The following MCTP1 variants were observed in gnomAD, a reference collection of about 807,000 sequenced individuals.
The protein encoded by MCTP1 is multiple C2 and transmembrane domain-containing protein 1.
A neutral mutation model predicts 120.6 loss-of-function variants in MCTP1; 69 were observed. The ratio of observed to expected loss-of-function variants is 0.57; its 90% confidence interval spans 0.47 to 0.70. MCTP1 has a LOEUF of 0.70. MCTP1 is among the 30% of genes least tolerant of loss of function. MCTP1 has a pLI of 0.00. For synonymous variants in MCTP1, 529 were observed against 493.1 expected, an observed-to-expected ratio of 1.07 and a Z score of -0.96; for missense variants, 1,203 against 1,248.8, an observed-to-expected ratio of 0.96 and a Z score of 0.55.
At chr5:95,252,225 A>G (rs1161070510) in intron 1 of MCTP1, among the ~76,000 whole-genome samples, 3 of 152,044 alleles carry the variant, frequency 2.0e-5, no homozygotes, top group Admixed American at 1.3e-4. Context: ...TGTGTTACTA[A>G]TTGGCTTTAC....
At chr5:94,990,550 A>G (rs1831338606) in intron 2 of MCTP1, among the ~76,000 whole-genome samples, 1 of 152,220 alleles carries the variant, frequency 6.6e-6, no homozygotes, top group Non-Finnish European at 1.5e-5. Context: ...GGAGGGCTCC[A>G]GTCCCTTTTA....
chr5:94,805,749 C>T lies in MCTP1; in HGVS notation c.2437-6617G>A, dbSNP rs1246794201. On this transcript the variant is annotated intron_variant, in intron 17 of 22. Coordinates refer to ENST00000515393, the MANE Select transcript of MCTP1 (RefSeq NM_024717.7). ...TGGGAGGGCAGGGACTATTACCTTCCTTTTACAAAGGAGGAAACTGAGGCT... is the reference window on the plus strand; with the variant it reads ...TGGGAGGGCAGGGACTATTACCTTCTTTTTACAAAGGAGGAAACTGAGGCT... Among the ~76,000 whole-genome samples the T allele has an allele frequency of 2.3e-4, 35 of 150,742 alleles. 1 individual carries two copies. The highest frequency in any genetic ancestry group is 5.9e-5 in the Non-Finnish European group (4 of 67,732).
At chr5:94,741,876 G>A (rs796409714) in intron 19 of MCTP1, among the ~76,000 whole-genome samples, 8 of 152,294 alleles carry the variant, frequency 5.3e-5, no homozygotes, top group African/African-American at 1.7e-4. Context: ...CTAAACCTCA[G>A]TTTCCTCAGA....
chr5:94,989,106 T>C (rs1398576391), intron 2 of MCTP1, among the ~76,000 whole-genome samples: 1 of 152,174 alleles, frequency 6.6e-6, no homozygotes, highest in African/African-American at 2.4e-5. Flanking sequence ...AAATTATTTT[T>C]AATTTGTAGA....
chr5:95,229,606 T>A (rs1754682740), intron 1 of MCTP1, among the ~76,000 whole-genome samples: 1 of 152,010 alleles, frequency 6.6e-6, no homozygotes, highest in Admixed American at 6.6e-5. Flanking sequence ...ACAGGTGTGG[T>A]GGCGGGCGCC....
At chr5:95,002,236 C>T (rs1833877498) in intron 2 of MCTP1, among the ~76,000 whole-genome samples, 1 of 152,336 alleles carries the variant, frequency 6.6e-6, no homozygotes, top group South Asian at 2.1e-4. Flanking sequence ...CCTGGAGAAC[C>T]TCTGCTAGGG....
chr5:95,011,798 C>A (rs1836019183), intron 2 of MCTP1, among the ~76,000 whole-genome samples: 1 of 152,092 alleles, frequency 6.6e-6, no homozygotes, highest in Non-Finnish European at 1.5e-5. Flanking sequence ...TGAGAATGGA[C>A]TAATACAACC....
chr5:95,136,020 G>C (rs1364944208), intron 1 of MCTP1, among the ~76,000 whole-genome samples: 1 of 152,180 alleles, frequency 6.6e-6, no homozygotes, highest in Non-Finnish European at 1.5e-5. Context: ...ATTGAAGTAG[G>C]TTTTAAAATC....
chr5:95,215,144 T>C (rs1752896912), intron 1 of MCTP1, among the ~76,000 whole-genome samples: 1 of 152,226 alleles, frequency 6.6e-6, no homozygotes, highest in Non-Finnish European at 1.5e-5. Context: ...TTATCCTTTC[T>C]TCCCTTTTGC....
intron 1 of MCTP1, among the ~76,000 whole-genome samples, chr5:95,217,474 T>C (rs1753163474): frequency 1.3e-5 from 2 of 152,306 alleles, no homozygotes; most frequent in African/African-American, 4.8e-5. Flanking sequence ...AATAAAGATG[T>C]AGTGGGAGGC....
intron 19 of MCTP1, among the ~76,000 whole-genome samples, chr5:94,766,191 GAGCTGAGATCATGCCACT>G (rs1349002857): frequency 6.6e-6 from 1 of 152,216 alleles, no homozygotes; most frequent in African/African-American, 2.4e-5. Context: ...AGGTTGCAGT[GAGCTGAGATCATGCCACT>G]GCACTCTAGC....
chr5:94,947,673 T>C (rs1421955775), intron 3 of MCTP1, among the ~76,000 whole-genome samples: 32 of 144,868 alleles, frequency 2.2e-4, no homozygotes, highest in African/African-American at 8.2e-4. Flanking sequence ...TGGAGTGCAG[T>C]GACATGATCA....
chr5:95,127,720 C>A (rs1056997639), intron 1 of MCTP1, among the ~76,000 whole-genome samples: 14 of 152,088 alleles, frequency 9.2e-5, no homozygotes, highest in Non-Finnish European at 1.8e-4. Flanking sequence ...TGACTCCAAC[C>A]CGTACTGTAA....
intron 2 of MCTP1, among the ~76,000 whole-genome samples, chr5:95,013,748 C>G (rs1037571127): frequency 6.6e-6 from 1 of 152,110 alleles, no homozygotes; most frequent in Non-Finnish European, 1.5e-5. Flanking sequence ...CCGGAGAGTT[C>G]TGATGAAGAT....
chr5:95,261,934 G>C (rs1582688617), intron 1 of MCTP1, among the ~76,000 whole-genome samples: 1 of 152,290 alleles, frequency 6.6e-6, no homozygotes, highest in Middle Eastern at 3.4e-3. Context: ...TCTGGGGCTG[G>C]GACTGCAGAG....
intron 17 of MCTP1, chr5:94,867,630 G>T: frequency 2.6e-6 from 1 of 383,988 alleles, no homozygotes; most frequent in Non-Finnish European, 4.7e-6. Flanking sequence ...TCCTGAAAAA[G>T]CCAAAATAAT....
chr5:95,225,545 C>T (rs1189945714), intron 1 of MCTP1, among the ~76,000 whole-genome samples: 2 of 152,104 alleles, frequency 1.3e-5, no homozygotes, highest in African/African-American at 4.8e-5. Flanking sequence ...AATATATATC[C>T]ATTGTCCTAT....
chr5:94,860,502 G>C lies in MCTP1; in HGVS notation c.2436+7831C>G, dbSNP rs1241313766. On this transcript the variant is annotated intron_variant, in intron 17 of 22. Coordinates refer to ENST00000515393, the MANE Select transcript of MCTP1 (RefSeq NM_024717.7). Reference sequence around the variant, plus strand: ...TCTCTATAAAGCCAAACAAACACCTGTCCTTTAATTGGACTATAATATAGT... The same window carrying C: ...TCTCTATAAAGCCAAACAAACACCTCTCCTTTAATTGGACTATAATATAGT... 3.3e-4 allele frequency among the ~76,000 whole-genome samples: 50 copies of C among 151,612 alleles called. 1 individual carries two copies. Among genetic ancestry groups the C allele is most frequent in the Admixed American group, 3.3e-3 (50 of 15,182 alleles).
chr5:95,171,074 C>T (rs1322677458), intron 1 of MCTP1, among the ~76,000 whole-genome samples: 3 of 151,946 alleles, frequency 2.0e-5, no homozygotes, highest in Non-Finnish European at 4.4e-5. Flanking sequence ...ATGTTTAGTG[C>T]TTATTTCAGG....
Sources: allele counts gnomAD v4.1 joint callset (sites outside exome capture counted in the v4.1 genomes callset), GRCh38; gene constraint gnomAD v4.1.1; transcripts MANE v1.5; gene names NCBI Gene and HGNC (gene_info 2026-07-23, HGNC 2026-07-21).